HHAT: variants seen among roughly 807,000 people sequenced by gnomAD.
HHAT encodes protein-cysteine N-palmitoyltransferase HHAT.
A neutral mutation model predicts 70.8 loss-of-function variants in HHAT; 47 were observed. That is an observed-to-expected ratio of 0.66 (90% confidence interval 0.53 to 0.85). The LOEUF (loss-of-function observed/expected upper bound fraction) is 0.85, where lower values mean the gene tolerates loss of function less well. Ranked by LOEUF, HHAT falls within the 40% of genes least tolerant of loss-of-function variation. The pLI, the probability that HHAT is intolerant of heterozygous loss-of-function variation, is 0.00. For missense variants in HHAT, 609 were observed against 604.8 expected (o/e 1.01, Z -0.07); for synonymous variants, 228 against 247.6 (o/e 0.92, Z 0.74).
chr1:210,383,820 T>C (rs1428424505), intron 3 of HHAT, among the ~76,000 whole-genome samples: 1 of 152,238 alleles, frequency 6.6e-6, no homozygotes, highest in Non-Finnish European at 1.5e-5. Context: ...AAGATTGTTA[T>C]GAGGCTGTAA....
At chr1:210,512,251 A>G (rs1380945516) in intron 8 of HHAT, among the ~76,000 whole-genome samples, 4 of 152,112 alleles carry the variant, frequency 2.6e-5, no homozygotes, top group Non-Finnish European at 4.4e-5. Flanking sequence ...TCAGGTGGAA[A>G]GCTCCAGGAC....
intron 8 of HHAT, among the ~76,000 whole-genome samples, chr1:210,493,121 G>A (rs1008200152): frequency 6.6e-6 from 1 of 152,092 alleles, no homozygotes; most frequent in Non-Finnish European, 1.5e-5. Flanking sequence ...CCTACACAGT[G>A]CTAAGTTTGC....
chr1:210,587,090 A>G (rs763106965), intron 9 of HHAT, among the ~76,000 whole-genome samples: 71 of 152,330 alleles, frequency 4.7e-4, no homozygotes, highest in Admixed American at 9.1e-4. Context: ...TGATCTTACC[A>G]ATTGCATTTA....
intron 8 of HHAT, among the ~76,000 whole-genome samples, chr1:210,491,106 A>G (rs1431794494): frequency 6.6e-6 from 1 of 151,620 alleles, no homozygotes; most frequent in Non-Finnish European, 1.5e-5. Context: ...TGCTGGATTG[A>G]AAGTGGGAAG....
At chr1:210,571,867 G>A (rs887531960) in intron 9 of HHAT, among the ~76,000 whole-genome samples, 5 of 152,192 alleles carry the variant, frequency 3.3e-5, no homozygotes, top group Admixed American at 6.5e-5. Flanking sequence ...CACGTTTAAT[G>A]TCATCCTTAG....
intron 10 of HHAT, among the ~76,000 whole-genome samples, chr1:210,600,042 T>G (rs1401637371): frequency 6.6e-6 from 1 of 152,164 alleles, no homozygotes; most frequent in Non-Finnish European, 1.5e-5. Context: ...CCTTCAGATT[T>G]CAGCTCAAAT....
intron 9 of HHAT, among the ~76,000 whole-genome samples, chr1:210,564,163 A>G (rs1451916650): frequency 6.8e-6 from 1 of 147,944 alleles, no homozygotes; most frequent in Non-Finnish European, 1.5e-5. Flanking sequence ...GGGTTTCACC[A>G]TGCTGGCCAG....
At chr1:210,636,235 C>T (rs1424600516) in intron 11 of HHAT, among the ~76,000 whole-genome samples, 1 of 152,196 alleles carries the variant, frequency 6.6e-6, no homozygotes, top group Admixed American at 6.5e-5. Flanking sequence ...AAAATTTGTG[C>T]TTGTATCTGC....
intron 3 of HHAT, among the ~76,000 whole-genome samples, chr1:210,364,691 T>G (rs2088719097): frequency 6.6e-6 from 1 of 152,200 alleles, no homozygotes; most frequent in South Asian, 2.1e-4. Context: ...ACTTCCCAGC[T>G]CTTGTCACTT....
At chr1:210,417,497 A>C (rs1572286437) in intron 6 of HHAT, among the ~76,000 whole-genome samples, 1 of 152,188 alleles carries the variant, frequency 6.6e-6, no homozygotes, top group South Asian at 2.1e-4. Flanking sequence ...GGCCTCCCAA[A>C]GTCCTGGGAT....
chr1:210,523,080 T>C (rs1400084592), intron 9 of HHAT, among the ~76,000 whole-genome samples: 1 of 152,122 alleles, frequency 6.6e-6, no homozygotes, highest in African/African-American at 2.4e-5. Flanking sequence ...TGGCTTTTCT[T>C]TGACTTTGCT....
Position 210,551,390 on chromosome 1 carries a change from T to G in HHAT, c.1044-36508T>G, listed in dbSNP as rs2095526576. Among the ~76,000 whole-genome samples, 3 of 148,894 alleles carry G rather than the reference T, an allele frequency of 2.0e-5. No homozygotes were observed. In the South Asian group the frequency reaches 6.5e-4, roughly 32 times the overall value. On this transcript the variant is annotated intron_variant, in intron 9 of 11. Transcript: ENST00000261458. ...TGCACCATTTAGAGACAGTGCAGAT[T>G]TAGCAATTATTCTGAAAACTCTAAC...
intron 11 of HHAT, among the ~76,000 whole-genome samples, 181 bp downstream of exon 11, chr1:210,623,851 C>G (rs995106344): frequency 7.2e-5 from 11 of 152,126 alleles, no homozygotes; most frequent in Non-Finnish European, 1.6e-4. Flanking sequence ...TAAGTGTCCC[C>G]TGTTTTTGAG....
chr1:210,614,746 A>G (rs975597890), intron 10 of HHAT, among the ~76,000 whole-genome samples: 1 of 152,120 alleles, frequency 6.6e-6, no homozygotes, highest in African/African-American at 2.4e-5. Flanking sequence ...TGAACTCATC[A>G]TTTTTTATGG....
At chr1:210,626,533 C>T (rs1335706305) in intron 11 of HHAT, among the ~76,000 whole-genome samples, 1 of 152,130 alleles carries the variant, frequency 6.6e-6, no homozygotes, top group Non-Finnish European at 1.5e-5. Flanking sequence ...CCATGGGCCT[C>T]CTGAGTCAGG....
Position 210,674,455 on chromosome 1 carries a change from G to A in HHAT, c.*76G>A. 1.7e-6 allele frequency: 2 copies of A among 1,148,816 alleles called. No individual in the cohort carries two copies. Among genetic ancestry groups the A allele is most frequent in the Non-Finnish European group, 1.3e-6 (1 of 772,086 alleles). 71.2% of individuals were successfully genotyped at this position (1,148,816 alleles called of 1,614,324 possible). A position where few individuals can be genotyped will look rare whatever the true frequency, so the allele number is the denominator to read the frequency against. ...GCTTCACCCTGACCTCTCACTCCAG[G>A]ACAGCCTCTAAGGGATTTGATCTGC... On this transcript the variant is annotated 3_prime_UTR_variant, in exon 12 of 12. Transcript: ENST00000261458.
intron 10 of HHAT, chr1:210,588,326 AT>A (rs1178302473): frequency 2.2e-6 from 1 of 448,144 alleles, no homozygotes; most frequent in Non-Finnish European, 3.9e-6. Flanking sequence ...TAAAAAATGT[AT>A]TATGTAAAAA....
At chr1:210,379,259 C>T (rs1366569508) in intron 3 of HHAT, among the ~76,000 whole-genome samples, 2 of 152,204 alleles carry the variant, frequency 1.3e-5, no homozygotes, top group South Asian at 2.1e-4. Flanking sequence ...GTCTCACAGA[C>T]CATACATTGT....
chr1:210,380,890 G>C lies in HHAT; in HGVS notation c.160-6578G>C, dbSNP rs564703385. Among the ~76,000 whole-genome samples, 10 of 152,200 alleles carry C rather than the reference G, an allele frequency of 6.6e-5. No homozygotes were observed. In the South Asian group the frequency reaches 2.1e-3, roughly 32 times the overall value. ...GGTACGACGATGGAAGGGTGGACAG[G>C]GGGACAGGGCCATTTTATGAAGAAC... On this transcript the variant is annotated intron_variant, in intron 3 of 11. Transcript: ENST00000261458.
Sources: gnomAD v4.1 joint callset for allele counts (sites outside exome capture counted in the v4.1 genomes callset) on GRCh38, gnomAD v4.1.1 for gene constraint, MANE v1.5 for transcripts, NCBI Gene and HGNC (gene_info 2026-07-23, HGNC 2026-07-21) for gene names.